Variants in ARFGEF3 observed in about 807,000 individuals in gnomAD.
ARFGEF3 encodes the protein ARFGEF family member 3, also known as brefeldin A-inhibited guanine nucleotide-exchange protein 3.
A neutral mutation model predicts 221.7 loss-of-function variants in ARFGEF3; 96 were observed. The ratio of observed to expected loss-of-function variants is 0.43; its 90% CI spans 0.37 to 0.51. The LOEUF (loss-of-function observed/expected upper bound fraction) is 0.51, where lower values mean the gene tolerates loss of function less well. ARFGEF3 is among the 20% of genes least tolerant of loss of function. The probability of loss-of-function intolerance (pLI) is 0.00; values close to 1 mark genes in which losing one functional copy is unlikely to be tolerated. For missense variants in ARFGEF3, 2,410 were observed against 2,789.9 expected (o/e 0.86, Z 3.07); for synonymous variants, 1,145 against 1,126.8 (o/e 1.02, Z -0.32).
intron 24 of ARFGEF3, among the ~76,000 whole-genome samples, chr6:138,310,704 G>A (rs1484045149): frequency 6.6e-6 from 1 of 152,186 alleles, no homozygotes; most frequent in Non-Finnish European, 1.5e-5. Flanking sequence ...TTGATTAAAT[G>A]TATAGAAATA....
At position 138,334,966 on chromosome 6, in the gene ARFGEF3, G is replaced by A. The variant is rs776800534; in HGVS notation, c.6120G>A (p.Ala2040=). 22 of 1,585,898 alleles carry A rather than the reference G, an allele frequency of 1.4e-5. No homozygotes were observed. The highest frequency in any genetic ancestry group is 6.9e-5 in the South Asian group (6 of 86,518). ...KKRKQQHNLS[A]FPKEVKVEKK... is the part of the protein sequence containing the mutation. ...GGAAACAGCAGCACAACCTGTCCGC[G>A]TTCCCCAAAGAGGTCAAAGTGGAGA... Residue 2040 remains alanine (A), a synonymous_variant, in exon 33 of 34, where the codon GCG becomes GCA. Transcript: ENST00000251691. This position sits in a 1 kb window ranked among gnomAD's most constrained non-coding sequence, Gnocchi z 5.1.
At chr6:138,194,080 C>T (rs891983508) in intron 2 of ARFGEF3, among the ~76,000 whole-genome samples, 1 of 152,056 alleles carries the variant, frequency 6.6e-6, no homozygotes, top group Non-Finnish European at 1.5e-5. Flanking sequence ...CCAGCCTGAA[C>T]AACATGATGA....
chr6:138,200,094 G>T (rs1207695170), intron 2 of ARFGEF3, among the ~76,000 whole-genome samples: 1 of 152,114 alleles, frequency 6.6e-6, no homozygotes, highest in Non-Finnish European at 1.5e-5. Context: ...AAGGGATGCT[G>T]GATTTTGTCA....
chr6:138,239,414 G>A (rs938107672), intron 6 of ARFGEF3, among the ~76,000 whole-genome samples: 5 of 152,054 alleles, frequency 3.3e-5, no homozygotes, highest in Non-Finnish European at 7.4e-5. Flanking sequence ...TTGGGAGGCC[G>A]AGGCAGGTGG....
At chr6:138,322,032 T>C (rs1307830078) in intron 29 of ARFGEF3, among the ~76,000 whole-genome samples, 1 of 152,042 alleles carries the variant, frequency 6.6e-6, no homozygotes, top group Non-Finnish European at 1.5e-5. Flanking sequence ...TGGCCAAACA[T>C]TATTGTGGGT....
At chr6:138,177,718 A>C (rs1247538616) in intron 2 of ARFGEF3, among the ~76,000 whole-genome samples, 1 of 151,898 alleles carries the variant, frequency 6.6e-6, no homozygotes, top group African/African-American at 2.4e-5. Flanking sequence ...CCTGCCTTCA[A>C]GTTCTGAGAT....
rs1387379638 is a variant in ARFGEF3 at position 138,288,037 on chromosome 6, A to T, written c.2896+853A>T. 1.2e-4 allele frequency among the ~76,000 whole-genome samples: 14 copies of T among 118,028 alleles called. No homozygotes were observed. The Admixed American group carries it at 1.3e-3, about 11-fold the overall frequency. 77.4% of individuals were successfully genotyped at this position (118,028 alleles called of 152,430 possible). Reference sequence around the variant, plus strand: ...AAAATCCTTACATTCACAGTTCTTTAAAAAAAAAACCACAAAACCAAGACC... The same window carrying T: ...AAAATCCTTACATTCACAGTTCTTTTAAAAAAAAACCACAAAACCAAGACC... On this transcript the variant is annotated intron_variant, in intron 17 of 33. Coordinates refer to ENST00000251691, the MANE Select transcript of ARFGEF3 (RefSeq NM_020340.5).
rs1032199968 is a variant in ARFGEF3, at chr6:138,250,379, G to A, written c.666-3501G>A. Among the ~76,000 whole-genome samples, 8 of 151,752 alleles carry A rather than the reference G, an allele frequency of 5.3e-5. No homozygotes were observed. The South Asian group carries it at 1.3e-3, about 24-fold the overall frequency. ...TTAGAAAGATACTTACTTATTCTCT[G>A]CCTGTTTCCCACCACTCTTTCCCTG... is the stretch of plus-strand genomic sequence containing the variant. On this transcript the variant is annotated intron_variant, in intron 8 of 33. Coordinates refer to ENST00000251691, the MANE Select transcript of ARFGEF3 (RefSeq NM_020340.5).
intron 1 of ARFGEF3, among the ~76,000 whole-genome samples, chr6:138,165,669 A>C (rs1021083919): frequency 2.6e-5 from 4 of 151,888 alleles, no homozygotes; most frequent in African/African-American, 9.7e-5. Flanking sequence ...GAGAGGGGTC[A>C]TCCCTTACTT....
chr6:138,249,247 G>A (rs981536339), intron 8 of ARFGEF3, among the ~76,000 whole-genome samples: 1 of 152,164 alleles, frequency 6.6e-6, no homozygotes, highest in Non-Finnish European at 1.5e-5. Flanking sequence ...GAAACTAAAG[G>A]TTGTAGATTT....
intron 29 of ARFGEF3, among the ~76,000 whole-genome samples, chr6:138,322,702 G>A (rs573207888): frequency 6.6e-6 from 1 of 151,622 alleles, no homozygotes; most frequent in East Asian, 2.0e-4. Context: ...GGCTGAGGCA[G>A]GAGAATTGCT....
At chr6:138,165,229 C>A (rs1293894588) in intron 1 of ARFGEF3, among the ~76,000 whole-genome samples, 4 of 151,922 alleles carry the variant, frequency 2.6e-5, no homozygotes, top group South Asian at 2.1e-4. Context: ...CCCACTTAGA[C>A]CCTCATGGGA....
rs1482249643 is a variant in ARFGEF3 at position 138,334,810 on chromosome 6, G to GC, written c.5970dup (p.Ser1991GlnfsTer184). 6.2e-7 allele frequency: 1 copy of GC among 1,601,914 alleles called. No homozygotes were observed. The highest frequency in any genetic ancestry group is 8.5e-7 in the Non-Finnish European group (1 of 1,174,588). On this transcript the variant is annotated frameshift_variant, in exon 33 of 34. Coordinates refer to ENST00000251691, the MANE Select transcript of ARFGEF3 (RefSeq NM_020340.5). LOFTEE classifies it high-confidence loss of function. The surrounding 1 kb of genome is among the most constrained non-coding windows in gnomAD (Gnocchi z 5.1). ...AGGCCGGTGGTGGGGACCTGCTGCT[G>GC]CCCCCCAGCCCCAAAGTGGAGAAGA...
intron 2 of ARFGEF3, among the ~76,000 whole-genome samples, chr6:138,177,368 C>T (rs1280097825): frequency 1.3e-5 from 2 of 152,136 alleles, no homozygotes; most frequent in Non-Finnish European, 1.5e-5. Flanking sequence ...ATTCACCTGC[C>T]TCAGCTTCCC....
intron 26 of ARFGEF3, among the ~76,000 whole-genome samples, chr6:138,314,392 A>G (rs1418603885): frequency 6.6e-6 from 1 of 152,196 alleles, no homozygotes; most frequent in Admixed American, 6.5e-5. Flanking sequence ...TTTCCAACAC[A>G]TGAATGTTGG....
intron 8 of ARFGEF3, among the ~76,000 whole-genome samples, chr6:138,251,247 A>G (rs1778576866): frequency 6.6e-6 from 1 of 152,166 alleles, no homozygotes; most frequent in African/African-American, 2.4e-5. Flanking sequence ...CAATGATTTC[A>G]GAAATTGAGA....
At chr6:138,276,321 G>T (rs935040322) in intron 12 of ARFGEF3, among the ~76,000 whole-genome samples, 8 of 152,226 alleles carry the variant, frequency 5.3e-5, no homozygotes, top group Non-Finnish European at 8.8e-5. Context: ...CAGAGAAGCT[G>T]ACTTCAGTAA....
At chr6:138,323,635 C>CAAAA in intron 29 of ARFGEF3, 36 bp from the exon 30 acceptor site, 1 of 1,273,946 alleles carries the variant, frequency 7.8e-7, no homozygotes, top group South Asian at 1.4e-5. Flanking sequence ...ACAACAACAA[C>CAAAA]AAAAAAAAAA....
intron 2 of ARFGEF3, among the ~76,000 whole-genome samples, chr6:138,176,459 G>A (rs1454071720): frequency 1.3e-5 from 2 of 152,160 alleles, no homozygotes; most frequent in African/African-American, 4.8e-5. Flanking sequence ...GGGATTACAG[G>A]CCTGAGCCAC....
Sources: allele counts gnomAD v4.1 joint callset (sites outside exome capture counted in the v4.1 genomes callset), GRCh38; gene constraint gnomAD v4.1.1; non-coding constraint Gnocchi (gnomAD v3.1); transcripts MANE v1.5; gene names NCBI Gene and HGNC (gene_info 2026-07-23, HGNC 2026-07-21).